Variants in MTMR12 observed in about 807,000 individuals in gnomAD.
MTMR12 encodes myotubularin related protein 12.
A neutral mutation model predicts 96.7 loss-of-function variants in MTMR12; 33 were observed. The observed-to-expected ratio is 0.34, with a 90% CI of 0.26 to 0.46. The LOEUF is 0.46. MTMR12 is among the 20% of genes least tolerant of loss of function. The probability of loss-of-function intolerance (pLI) is 1.00; values close to 1 mark genes in which losing one functional copy is unlikely to be tolerated. For synonymous variants in MTMR12, 298 were observed against 327.2 expected (o/e 0.91, Z 0.96); for missense variants, 721 against 896.1 (o/e 0.80, Z 2.49).
intron 1 of MTMR12, among the ~76,000 whole-genome samples, chr5:32,301,867 A>G (rs536863901): frequency 6.6e-6 from 1 of 152,148 alleles, no homozygotes; most frequent in South Asian, 2.1e-4. Context: ...GACAGAGACT[A>G]CTCCATCTCA....
rs1018426191 is a variant in MTMR12 at position 32,271,026 on chromosome 5, A to G, written c.359-79T>C. The G allele has an allele frequency of 2.7e-6, 4 of 1,458,242 alleles. No homozygotes were observed. The African/African-American group carries it at 4.2e-5, about 15-fold the overall frequency. The allele number at this position is 1,458,242 out of a possible 1,614,324, so 90.3% of individuals were successfully genotyped here. A position where few individuals can be genotyped will look rare whatever the true frequency, so the allele number is the denominator to read the frequency against. On this transcript the variant is annotated intron_variant, in intron 4 of 15. Coordinates refer to ENST00000382142, the MANE Select transcript of MTMR12 (RefSeq NM_001040446.3). ...GAATGCTAAAGAAATGAAGTAGATG[A>G]TCAACTTCTAGGGATACTTCCCAAG... is the stretch of plus-strand genomic sequence containing the variant.
chr5:32,232,717 A>C (rs958785096), intron 15 of MTMR12, among the ~76,000 whole-genome samples: 1 of 152,254 alleles, frequency 6.6e-6, no homozygotes, highest in Non-Finnish European at 1.5e-5. Flanking sequence ...CTGGCAGAAG[A>C]GGCTCAGCCA....
intron 2 of MTMR12, among the ~76,000 whole-genome samples, chr5:32,274,703 C>G (rs1005751174): frequency 2.6e-5 from 4 of 152,204 alleles, no homozygotes; most frequent in Admixed American, 6.5e-5. Flanking sequence ...TGGCTCCACG[C>G]TGGGAAAACA....
At chr5:32,245,619 G>C (rs1247851096) in intron 10 of MTMR12, among the ~76,000 whole-genome samples, 1 of 152,068 alleles carries the variant, frequency 6.6e-6, no homozygotes, top group African/African-American at 2.4e-5. Context: ...CTTGAGGTAA[G>C]GAGTTCAAGA....
chr5:32,269,810 T>A (rs1337917131), intron 5 of MTMR12, among the ~76,000 whole-genome samples: 1 of 152,222 alleles, frequency 6.6e-6, no homozygotes, highest in Non-Finnish European at 1.5e-5. Flanking sequence ...CTTTAGGATC[T>A]TCTTATGGAA....
chr5:32,265,413 G>A (rs1749550472), intron 6 of MTMR12, among the ~76,000 whole-genome samples: 1 of 152,190 alleles, frequency 6.6e-6, no homozygotes, highest in South Asian at 2.1e-4. Context: ...ATGTTGGCAG[G>A]CCGAGAAAGT....
chr5:32,274,368 A>G (rs1299343511), intron 2 of MTMR12, among the ~76,000 whole-genome samples: 1 of 152,116 alleles, frequency 6.6e-6, no homozygotes. Flanking sequence ...ACATTTCTCT[A>G]TCTTCTCACT....
chr5:32,240,073 T>C (rs963844630), intron 12 of MTMR12, among the ~76,000 whole-genome samples: 1 of 152,220 alleles, frequency 6.6e-6, no homozygotes, highest in African/African-American at 2.4e-5. Context: ...ATGAGGAGGA[T>C]GGTGCTAGTA....
chr5:32,233,938 C>T lies in MTMR12; in HGVS notation c.1513-4G>A. The T allele has an allele frequency of 6.2e-7, 1 of 1,614,100 alleles. No homozygotes were observed. Among genetic ancestry groups the T allele is most frequent in the Non-Finnish European group, 8.5e-7 (1 of 1,179,994 alleles). ...GTGTATCCTGGCCTTCTCTACCCTG[C>T]CAAAACAAGCACAGGTCATGCTGTT... On this transcript the variant is annotated splice_polypyrimidine_tract_variant and splice_region_variant and intron_variant, in intron 14 of 15. Transcript: ENST00000382142. The surrounding 1 kb of genome is among the most constrained non-coding windows in gnomAD (Gnocchi z 5.0).
In MTMR12 at chr5:32,312,651, A is replaced by G; in HGVS notation, c.81+107T>C. The G allele has an allele frequency of 9.6e-7, 1 of 1,045,920 alleles. No individual in the cohort carries two copies. The highest frequency in any genetic ancestry group is 3.7e-5 in the East Asian group (1 of 26,756). The allele number at this position is 1,045,920 out of a possible 1,614,324, so 64.8% of individuals were successfully genotyped here. A position where few individuals can be genotyped will look rare whatever the true frequency, so the allele number is the denominator to read the frequency against. On this transcript the variant is annotated intron_variant, in intron 1 of 15. Coordinates refer to ENST00000382142, the MANE Select transcript of MTMR12 (RefSeq NM_001040446.3). This position sits in a 1 kb window ranked among gnomAD's most constrained non-coding sequence, Gnocchi z 5.0. ...CCTGGCTGCCCCGTCGCCCGGCACA[A>G]GGGCAGGAAGCGCTCCGCGGCGCTC...
At chr5:32,245,605 A>T (rs1410782933) in intron 10 of MTMR12, among the ~76,000 whole-genome samples, 9 of 152,120 alleles carry the variant, frequency 5.9e-5, no homozygotes, top group Non-Finnish European at 1.3e-4. Flanking sequence ...AGGAGGGTAG[A>T]TCACTTGAGG....
At chr5:32,294,008 C>T (rs571856430) in intron 1 of MTMR12, among the ~76,000 whole-genome samples, 4 of 152,226 alleles carry the variant, frequency 2.6e-5, no homozygotes, top group Non-Finnish European at 4.4e-5. Flanking sequence ...ATATTGCCCA[C>T]GTCTATCCAT....
chr5:32,253,792 T>A (rs60743456), intron 8 of MTMR12, among the ~76,000 whole-genome samples: 50,289 of 152,048 alleles, frequency 0.33, 8,668 homozygotes, highest in East Asian at 0.5. Context: ...AGGCTAATTT[T>A]AAAAAATTTT....
chr5:32,253,772 C>T (rs1343650323), intron 8 of MTMR12, among the ~76,000 whole-genome samples: 1 of 152,230 alleles, frequency 6.6e-6, no homozygotes, highest in African/African-American at 2.4e-5. Context: ...TGGGCATGTG[C>T]CACCTTACCA....
At chr5:32,266,206 GT>G (rs1239910591) in intron 6 of MTMR12, among the ~76,000 whole-genome samples, 1 of 143,124 alleles carries the variant, frequency 7.0e-6, no homozygotes, top group Non-Finnish European at 1.6e-5. Flanking sequence ...TTACGTTTTT[GT>G]TTTGTTTTGT....
At chr5:32,251,411 C>T (rs1410118520) in intron 8 of MTMR12, among the ~76,000 whole-genome samples, 1 of 152,032 alleles carries the variant, frequency 6.6e-6, no homozygotes, top group Non-Finnish European at 1.5e-5. Context: ...GGTCAGCAGG[C>T]CAAGGGAGTA....
At chr5:32,278,886 T>C (rs995109610) in intron 1 of MTMR12, among the ~76,000 whole-genome samples, 17 of 151,786 alleles carry the variant, frequency 1.1e-4, no homozygotes, top group African/African-American at 4.1e-4. Flanking sequence ...CAGACCAGCC[T>C]GACCAACATG....
intron 1 of MTMR12, among the ~76,000 whole-genome samples, chr5:32,291,622 A>T (rs1359325838): frequency 6.6e-6 from 1 of 151,932 alleles, no homozygotes; most frequent in Non-Finnish European, 1.5e-5. Flanking sequence ...CACCACTCAG[A>T]CTCTTCCCCC....
At chr5:32,295,539 T>A (rs115884372) in intron 1 of MTMR12, among the ~76,000 whole-genome samples, 1,974 of 152,346 alleles carry the variant, frequency 0.013, 33 homozygotes, top group African/African-American at 0.044. Flanking sequence ...TCAACCTGTA[T>A]TCATTTCAGA....
Sources: allele counts gnomAD v4.1 joint callset (sites outside exome capture counted in the v4.1 genomes callset), GRCh38; gene constraint gnomAD v4.1.1; non-coding constraint Gnocchi (gnomAD v3.1); transcripts MANE v1.5; gene names NCBI Gene and HGNC (gene_info 2026-07-23, HGNC 2026-07-21).